IQSEC3: variants seen among roughly 807,000 people sequenced by gnomAD.
IQSEC3 encodes IQ motif and Sec7 domain ArfGEF 3.
A neutral mutation model predicts 105.4 loss-of-function variants in IQSEC3; 50 were observed. The observed-to-expected ratio is 0.47, with a 90% CI of 0.38 to 0.60. The LOEUF is 0.60. Ranked by LOEUF, IQSEC3 falls within the 20% of genes least tolerant of loss-of-function variation. The probability of loss-of-function intolerance (pLI) is 0.00; values close to 1 mark genes in which losing one functional copy is unlikely to be tolerated. For missense variants in IQSEC3, 1,415 were observed against 1,630.0 expected (o/e 0.87, Z 2.27); for synonymous variants, 708 against 746.0 (o/e 0.95, Z 0.83).
In IQSEC3 at chr12:125,872, C is replaced by T. The variant is rs957665757; in HGVS notation, c.863C>T (p.Ala288Val). The change falls in exon 3 of 14, where the codon GCC becomes GTC. Residue 288 changes from alanine (A) to valine (V), a missense_variant. Coordinates refer to ENST00000538872, the MANE Select transcript of IQSEC3 (RefSeq NM_001170738.2). ...ATALCPHAPA[A>V]SDYELSLDLK... The stretch of plus-strand genomic sequence containing the variant: ...GCGCTGTGCCCCCACGCCCCTGCCG[C>T]CTCCGATTACGAACTCTCCCTTGAC... 1.9e-5 allele frequency: 29 copies of T among 1,533,672 alleles called. No homozygotes were observed. Among genetic ancestry groups the T allele is most frequent in the Non-Finnish European group, 2.4e-5 (28 of 1,146,500 alleles).
chr12:66,807 G>A lies in IQSEC3; in HGVS notation c.-76G>A. 2 of 1,291,214 alleles carry A rather than the reference G, an allele frequency of 1.5e-6. No individual in the cohort carries two copies. Among genetic ancestry groups the A allele is most frequent in the Non-Finnish European group, 2.0e-6 (2 of 1,019,406 alleles). 80.0% of individuals were successfully genotyped at this position (1,291,214 alleles called of 1,614,324 possible). On this transcript the variant is annotated 5_prime_UTR_variant, in exon 1 of 14. Coordinates refer to ENST00000538872, the MANE Select transcript of IQSEC3 (RefSeq NM_001170738.2). ...GAGAGGGAGGCGAGCCGACCGCTGG[G>A]CTGCTGGGCTCCCGCGCCCTCGCGC...
At chr12:139,430 C>T (rs782593320) in intron 4 of IQSEC3, 76 bp downstream of exon 4, 77 of 1,271,392 alleles carry the variant, frequency 6.1e-5, no homozygotes, top group Non-Finnish European at 7.8e-5. Context: ...ACCTTCCCTC[C>T]ACCAAGCAGG....
intron 3 of IQSEC3, among the ~76,000 whole-genome samples, chr12:129,824 C>A (rs1479745030): frequency 1.3e-5 from 2 of 152,154 alleles, no homozygotes; most frequent in African/African-American, 4.8e-5. Context: ...AGCAGCCCCT[C>A]CCCACAGATC....
At chr12:126,239 C>T (rs952778981) in intron 3 of IQSEC3, among the ~76,000 whole-genome samples, 8 of 152,226 alleles carry the variant, frequency 5.3e-5, no homozygotes, top group South Asian at 2.1e-4. Context: ...TGGGGTGTCC[C>T]CACCTCCATC....
intron 13 of IQSEC3, among the ~76,000 whole-genome samples, chr12:172,690 T>G (rs1269496642): frequency 2.0e-5 from 3 of 152,230 alleles, no homozygotes; most frequent in South Asian, 2.1e-4. Flanking sequence ...TGAGCTGTTC[T>G]CTGACCTGCT....
chr12:74,962 C>A (rs1863461557), intron 1 of IQSEC3, among the ~76,000 whole-genome samples: 1 of 152,274 alleles, frequency 6.6e-6, no homozygotes, highest in Admixed American at 6.5e-5. Flanking sequence ...ATCAGGGCTG[C>A]TTCACAGGTG....
chr12:138,778 G>C lies in IQSEC3; in HGVS notation c.1415G>C (p.Gly472Ala). Reference protein sequence around the residue: ...GPGDDAAETPGLPPAHSGTLM... With the variant: ...GPGDDAAETPALPPAHSGTLM... ...GGGGATGACGCCGCGGAGACCCCCG[G>C]CCTGCCCCCGGCCCACAGCGGGACC... is the stretch of plus-strand genomic sequence containing the variant. Residue 472 changes from glycine (G) to alanine (A), a missense_variant, in exon 4 of 14, where the codon GGC becomes GCC. Physicochemically the swap from Gly to Ala is moderately conservative, Grantham distance 60 (BLOSUM62 0). Around this residue, in one of 6 missense-constraint regions of IQSEC3, gnomAD observed 720 missense variants for 633.0 expected, o/e 1.14. Transcript: ENST00000538872. This position sits in a 1 kb window ranked among gnomAD's most constrained non-coding sequence, Gnocchi z 7.1. 6.3e-7 allele frequency: 1 copy of C among 1,597,270 alleles called. No homozygotes were observed. The highest frequency in any genetic ancestry group is 8.5e-7 in the Non-Finnish European group (1 of 1,175,306).
At chr12:99,900 G>C (rs186281238) in intron 2 of IQSEC3, among the ~76,000 whole-genome samples, 1 of 151,994 alleles carries the variant, frequency 6.6e-6, no homozygotes, top group African/African-American at 2.4e-5. Flanking sequence ...TGTGTTTCTC[G>C]TTTCTCCTCT....
intron 3 of IQSEC3, among the ~76,000 whole-genome samples, chr12:128,197 C>G (rs1001146016): frequency 1.3e-5 from 2 of 151,630 alleles, no homozygotes; most frequent in Non-Finnish European, 2.9e-5. Flanking sequence ...CTCAGTCATC[C>G]CACAGGGCCC....
At position 175,092 on chromosome 12, in the gene IQSEC3, C is replaced by T. The variant is rs924523473; in HGVS notation, c.*59C>T. On this transcript the variant is annotated 3_prime_UTR_variant, in exon 14 of 14. Transcript: ENST00000538872. ...CTGGCCACTGGGGGGCCTGGGCTGC[C>T]CCTCCACTGCTCCCCATACCCTGGC... The T allele has an allele frequency of 1.1e-5, 14 of 1,291,396 alleles. No individual in the cohort carries two copies. Among genetic ancestry groups the T allele is most frequent in the Non-Finnish European group, 1.4e-5 (13 of 961,436 alleles). 80.0% of individuals were successfully genotyped at this position (1,291,396 alleles called of 1,614,324 possible). A position where few individuals can be genotyped will look rare whatever the true frequency, so the allele number is the denominator to read the frequency against.
chr12:136,354 A>C (rs550088092), intron 3 of IQSEC3, among the ~76,000 whole-genome samples: 3 of 152,134 alleles, frequency 2.0e-5, no homozygotes, highest in Non-Finnish European at 4.4e-5. Context: ...ATTGGGGTTG[A>C]ATCCACAAGG....
At chr12:83,143 A>T (rs1863802910) in intron 1 of IQSEC3, among the ~76,000 whole-genome samples, 1 of 152,218 alleles carries the variant, frequency 6.6e-6, no homozygotes, top group Non-Finnish European at 1.5e-5. Flanking sequence ...GCTGGGCTGT[A>T]CAGGAGAAAG....
At position 176,517 on chromosome 12, in the gene IQSEC3, T is replaced by C. The variant is rs1939241797; in HGVS notation, c.*1484T>C. 1 of 152,202 alleles carries C rather than the reference T, an allele frequency of 6.6e-6. No individual in the cohort carries two copies. The highest frequency in any genetic ancestry group is 2.4e-5 in the African/African-American group (1 of 41,440). The allele number at this position is 152,202 out of a possible 1,614,324, so 9.4% of individuals were successfully genotyped here. A position where few individuals can be genotyped will look rare whatever the true frequency, so the allele number is the denominator to read the frequency against. On this transcript the variant is annotated 3_prime_UTR_variant, in exon 14 of 14. Coordinates refer to ENST00000538872, the MANE Select transcript of IQSEC3 (RefSeq NM_001170738.2). The surrounding 1 kb of genome is among the most constrained non-coding windows in gnomAD (Gnocchi z 4.0). ...CAGTGAGCATGAGTCAAAGGTGACA[T>C]GGACTTGAATCTCCCCACCCCGCCC...
At chr12:68,343 C>T (rs540918911) in intron 1 of IQSEC3, among the ~76,000 whole-genome samples, 86 of 152,376 alleles carry the variant, frequency 5.6e-4, no homozygotes, top group African/African-American at 1.9e-3. Flanking sequence ...GTTTAAATCT[C>T]CCTGTTAAGG....
chr12:116,969 A>C (rs782167427), intron 2 of IQSEC3, among the ~76,000 whole-genome samples: 15 of 152,234 alleles, frequency 9.9e-5, no homozygotes, highest in Non-Finnish European at 2.1e-4. Flanking sequence ...GTACATGTGG[A>C]TATTTTTCTG....
Position 169,068 on chromosome 12 carries a change from C to A in IQSEC3, c.3027C>A (p.Ala1009=). ...TKTLSFKPCG[A]QGDPQSKQGS... ...CACTCTCCTTCAAGCCCTGCGGAGC[C>A]CAGGGGGACCCACAGTCAAAGCAAG... Residue 1009 remains alanine, a synonymous_variant, in exon 12 of 14, where the codon GCC becomes GCA. Coordinates refer to ENST00000538872, the MANE Select transcript of IQSEC3 (RefSeq NM_001170738.2). The A allele has an allele frequency of 6.2e-7, 1 of 1,614,022 alleles. No homozygotes were observed. The highest frequency in any genetic ancestry group is 1.1e-5 in the South Asian group (1 of 91,076).
intron 2 of IQSEC3, among the ~76,000 whole-genome samples, chr12:111,247 G>A (rs920458618): frequency 6.6e-6 from 1 of 152,126 alleles, no homozygotes; most frequent in Non-Finnish European, 1.5e-5. Context: ...ATTAAAGCTT[G>A]GCACACCCAA....
chr12:163,196 C>T (rs1866986915), intron 8 of IQSEC3, among the ~76,000 whole-genome samples: 2 of 143,468 alleles, frequency 1.4e-5, no homozygotes, highest in Admixed American at 1.4e-4. Context: ...TCCACAGAAC[C>T]GGAGCCCTCC....
chr12:83,004 C>A (rs1407643176), intron 1 of IQSEC3, among the ~76,000 whole-genome samples: 2 of 152,196 alleles, frequency 1.3e-5, no homozygotes, highest in African/African-American at 4.8e-5. Context: ...TGACGCAGTT[C>A]CCTGCTGGAA....
Sources: gnomAD v4.1 joint callset for allele counts (sites outside exome capture counted in the v4.1 genomes callset) on GRCh38, gnomAD v4.1.1 for gene constraint, gnomAD v4.1.1 regional missense constraint, Gnocchi (gnomAD v3.1) non-coding constraint, MANE v1.5 for transcripts, NCBI Gene and HGNC (gene_info 2026-07-23, HGNC 2026-07-21) for gene names.